ANXA10: variants seen among roughly 807,000 people sequenced by gnomAD.
ANXA10 encodes the protein annexin 14.
A neutral mutation model predicts 53.5 loss-of-function variants in ANXA10; 49 were observed. That is an observed-to-expected ratio of 0.92 (90% confidence interval 0.73 to 1.16). ANXA10 has a LOEUF of 1.16. Among genes scored for constraint, ANXA10 ranks in the 50% most tolerant of loss-of-function variants. ANXA10 has a pLI of 0.00. For synonymous variants in ANXA10, 131 were observed against 128.9 expected (o/e 1.02, Z -0.11); for missense variants, 393 against 394.4 (o/e 1.00, Z 0.03).
intron 3 of ANXA10, among the ~76,000 whole-genome samples, chr4:168,153,422 CAAAAAAA>C (rs61179704): frequency 2.8e-4 from 12 of 43,508 alleles, no homozygotes; most frequent in Non-Finnish European, 5.7e-4. Context: ...AAGCCTAAAG[CAAAAAAA>C]AAAAAAAAAA....
chr4:168,164,504 G>C (rs1426166580), intron 5 of ANXA10, among the ~76,000 whole-genome samples: 12 of 151,956 alleles, frequency 7.9e-5, no homozygotes, highest in Non-Finnish European at 2.9e-5. Flanking sequence ...AAATTTTCCA[G>C]GAAAATAATT....
intron 3 of ANXA10, among the ~76,000 whole-genome samples, chr4:168,150,645 G>A (rs540902608): frequency 2.6e-4 from 40 of 152,246 alleles, no homozygotes; most frequent in Non-Finnish European, 5.0e-4. Flanking sequence ...TATGAAAGGA[G>A]AAACACGCAC....
At position 168,151,353 on chromosome 4, in the gene ANXA10, T is replaced by A. The variant is rs181734660; in HGVS notation, c.196-11175T>A. Among the ~76,000 whole-genome samples, 9 of 152,288 alleles carry A rather than the reference T, an allele frequency of 5.9e-5. No homozygotes were observed. In the East Asian group the frequency reaches 1.7e-3, roughly 29 times the overall value. ...TACTTCTATTTCTTGCCCCTGTTTATCCATAATAAGATAAAGGTAAGACGA... is the reference window on the plus strand; with the variant it reads ...TACTTCTATTTCTTGCCCCTGTTTAACCATAATAAGATAAAGGTAAGACGA... On this transcript the variant is annotated intron_variant, in intron 3 of 11. Coordinates refer to ENST00000359299, the MANE Select transcript of ANXA10 (RefSeq NM_007193.5).
At chr4:168,145,511 T>C (rs1420255567) in intron 3 of ANXA10, among the ~76,000 whole-genome samples, 1 of 152,198 alleles carries the variant, frequency 6.6e-6, no homozygotes, top group African/African-American at 2.4e-5. Flanking sequence ...TCTTGGAGGT[T>C]AGAAGCAAGA....
chr4:168,171,964 A>G (rs925796752), intron 6 of ANXA10, among the ~76,000 whole-genome samples: 1 of 152,220 alleles, frequency 6.6e-6, no homozygotes, highest in African/African-American at 2.4e-5. Flanking sequence ...CCGTACAATG[A>G]GGCCTCTGGG....
chr4:168,184,535 C>A (rs748548558), intron 10 of ANXA10, 24 bp from the exon 11 acceptor site: 2 of 1,612,390 alleles, frequency 1.2e-6, no homozygotes, highest in Non-Finnish European at 8.5e-7. Flanking sequence ...CTTCTCATTT[C>A]TCCCACTTTT....
intron 2 of ANXA10, among the ~76,000 whole-genome samples, chr4:168,131,047 C>T (rs1234847827): frequency 6.6e-6 from 1 of 151,852 alleles, no homozygotes; most frequent in African/African-American, 2.4e-5. Flanking sequence ...GTTTAATTTG[C>T]TCTTCTTTTT....
intron 2 of ANXA10, among the ~76,000 whole-genome samples, chr4:168,134,675 G>A (rs1357397839): frequency 1.3e-5 from 2 of 152,162 alleles, no homozygotes; most frequent in East Asian, 3.9e-4. Flanking sequence ...TCTTAACCAG[G>A]CTTGAGCCAG....
At chr4:168,158,636 T>C (rs1374102114) in intron 3 of ANXA10, among the ~76,000 whole-genome samples, 2 of 152,184 alleles carry the variant, frequency 1.3e-5, no homozygotes, top group Non-Finnish European at 2.9e-5. Context: ...TTCTCAATCT[T>C]AGAGGATAAG....
chr4:168,169,147 C>A (rs546947842), intron 6 of ANXA10, among the ~76,000 whole-genome samples: 3 of 152,284 alleles, frequency 2.0e-5, no homozygotes, highest in African/African-American at 7.2e-5. Flanking sequence ...CAGAAAAATA[C>A]ATTTTCAATA....
chr4:168,138,749 T>G lies in ANXA10; in HGVS notation c.101-737T>G, dbSNP rs147492556. ...AGCATGAAATAATTTTCCATTTGTT[T>G]GTGCTATCTATGATTTCTTTCAAGT... On this transcript the variant is annotated intron_variant, in intron 2 of 11. Transcript: ENST00000359299. 1.9e-3 allele frequency among the ~76,000 whole-genome samples: 297 copies of G among 152,338 alleles called. 1 individual carries two copies. Among genetic ancestry groups the G allele is most frequent in the African/African-American group, 6.4e-3 (267 of 41,592 alleles).
chr4:168,136,547 A>C (rs1158843359), intron 2 of ANXA10, among the ~76,000 whole-genome samples: 1 of 152,170 alleles, frequency 6.6e-6, no homozygotes, highest in African/African-American at 2.4e-5. Flanking sequence ...TTGAATCTTA[A>C]AGTTCCCAAA....
chr4:168,155,248 T>G (rs949228650), intron 3 of ANXA10, among the ~76,000 whole-genome samples: 2 of 145,706 alleles, frequency 1.4e-5, no homozygotes, highest in Non-Finnish European at 1.5e-5. Context: ...TATACATTCG[T>G]ACAATTCTGT....
At chr4:168,170,165 TAAC>T (rs982682422) in intron 6 of ANXA10, among the ~76,000 whole-genome samples, 25 of 152,066 alleles carry the variant, frequency 1.6e-4, no homozygotes, top group African/African-American at 5.6e-4. Context: ...TATTTTAAAA[TAAC>T]ACACAATATT....
rs114589775 is a variant in ANXA10, at chr4:168,164,670, G to A, written c.400+382G>A. Among the ~76,000 whole-genome samples, 1,493 of 152,188 alleles carry A rather than the reference G, an allele frequency of 9.8e-3. 19 individuals carry two copies. Among genetic ancestry groups the A allele is most frequent in the African/African-American group, 0.034 (1,405 of 41,522 alleles). ...TGAATTCTACAAATATATCTGCTTCGCTTTACATAAATTTCACATTCCCGT... is the reference window on the plus strand; with the variant it reads ...TGAATTCTACAAATATATCTGCTTCACTTTACATAAATTTCACATTCCCGT... On this transcript the variant is annotated intron_variant, in intron 5 of 11. Coordinates refer to ENST00000359299, the MANE Select transcript of ANXA10 (RefSeq NM_007193.5).
At chr4:168,164,058 C>A in intron 4 of ANXA10, 140 bp from the exon 5 acceptor site, 1 of 597,996 alleles carries the variant, frequency 1.7e-6, no homozygotes. Context: ...TAAGATTGTG[C>A]CTGCCTTCAT....
chr4:168,155,205 C>G (rs201561065), intron 3 of ANXA10, among the ~76,000 whole-genome samples: 1 of 149,950 alleles, frequency 6.7e-6, no homozygotes, highest in East Asian at 1.9e-4. Flanking sequence ...ACGCTTTCCA[C>G]GAACCTTCAT....
At chr4:168,117,069 A>C (rs891651253) in intron 1 of ANXA10, among the ~76,000 whole-genome samples, 1 of 151,994 alleles carries the variant, frequency 6.6e-6, no homozygotes, top group Non-Finnish European at 1.5e-5. Context: ...GCCTTGGCTA[A>C]TTGTAAACAT....
chr4:168,162,237 T>G (rs1362427216), intron 3 of ANXA10, among the ~76,000 whole-genome samples: 1 of 152,194 alleles, frequency 6.6e-6, no homozygotes, highest in African/African-American at 2.4e-5. Context: ...TTACATATTT[T>G]CATAATGAGA....
Sources: gnomAD v4.1 joint callset for allele counts (sites outside exome capture counted in the v4.1 genomes callset) on GRCh38, gnomAD v4.1.1 for gene constraint, MANE v1.5 for transcripts, NCBI Gene and HGNC (gene_info 2026-07-23, HGNC 2026-07-21) for gene names.